MTCL1: variants seen among roughly 807,000 people sequenced by gnomAD.
MTCL1 encodes microtubule crosslinking factor 1.
MTCL1 carries 79 observed loss-of-function variants against 141.4 expected under a neutral mutation model. The ratio of observed to expected loss-of-function variants is 0.56; its 90% CI spans 0.47 to 0.67. The LOEUF (loss-of-function observed/expected upper bound fraction) is 0.67. Ranked by LOEUF, MTCL1 falls within the 30% of genes least tolerant of loss-of-function variation. The probability of loss-of-function intolerance (pLI) is 0.00; values close to 1 mark genes in which losing one functional copy is unlikely to be tolerated. For missense variants in MTCL1, 2,177 were observed against 2,113.9 expected (o/e 1.03, Z -0.59); for synonymous variants, 914 against 875.8 (o/e 1.04, Z -0.77).
At chr18:8,775,431 C>G (rs929200342) in intron 4 of MTCL1, among the ~76,000 whole-genome samples, 2 of 143,562 alleles carry the variant, frequency 1.4e-5, no homozygotes, top group Non-Finnish European at 3.0e-5. Context: ...AAAAAAGCTG[C>G]GCATGGTGGT....
At chr18:8,815,235 A>G (rs2076612353) in intron 12 of MTCL1, among the ~76,000 whole-genome samples, 1 of 151,926 alleles carries the variant, frequency 6.6e-6, no homozygotes, top group East Asian at 1.9e-4. Flanking sequence ...ATGTCCAACA[A>G]TGGTAGACTG....
chr18:8,777,084 A>T (rs1313220249), intron 4 of MTCL1, among the ~76,000 whole-genome samples: 1 of 152,036 alleles, frequency 6.6e-6, no homozygotes, highest in African/African-American at 2.4e-5. Flanking sequence ...AATACAAAAA[A>T]AATTAGCCAG....
chr18:8,769,225 T>C (rs2096474225), intron 4 of MTCL1, among the ~76,000 whole-genome samples: 1 of 152,222 alleles, frequency 6.6e-6, no homozygotes, highest in Admixed American at 6.5e-5. Context: ...AATGTAGGAT[T>C]CTGATTCCAT....
At chr18:8,728,024 A>T (rs1271102256) in intron 4 of MTCL1, among the ~76,000 whole-genome samples, 1 of 152,148 alleles carries the variant, frequency 6.6e-6, no homozygotes. Context: ...TTTGAATTGA[A>T]GTTTAAAACT....
At chr18:8,749,561 C>T (rs190038208) in intron 4 of MTCL1, among the ~76,000 whole-genome samples, 62 of 152,282 alleles carry the variant, frequency 4.1e-4, no homozygotes, top group African/African-American at 1.5e-3. Context: ...AAGACAGAGC[C>T]AGTGGAGAGG....
chr18:8,772,796 C>T (rs1403554373), intron 4 of MTCL1, among the ~76,000 whole-genome samples: 1 of 151,834 alleles, frequency 6.6e-6, no homozygotes, highest in Non-Finnish European at 1.5e-5. Context: ...CTTAAATAGT[C>T]TTCAAAAGCA....
chr18:8,733,451 G>A (rs532711858), intron 4 of MTCL1, among the ~76,000 whole-genome samples: 1 of 152,258 alleles, frequency 6.6e-6, no homozygotes, highest in Non-Finnish European at 1.5e-5. Context: ...TGTCGCTCAG[G>A]CTGGAGTGAA....
intron 4 of MTCL1, among the ~76,000 whole-genome samples, chr18:8,769,585 C>T (rs968119115): frequency 2.6e-5 from 4 of 152,104 alleles, no homozygotes; most frequent in Non-Finnish European, 4.4e-5. Flanking sequence ...GTCATGTTCC[C>T]GAGTTTGCAT....
At chr18:8,765,329 T>C (rs1399447503) in intron 4 of MTCL1, among the ~76,000 whole-genome samples, 2 of 152,198 alleles carry the variant, frequency 1.3e-5, no homozygotes, top group Non-Finnish European at 2.9e-5. Flanking sequence ...TCTGCCCCAG[T>C]GAGCCCAAGG....
intron 4 of MTCL1, among the ~76,000 whole-genome samples, chr18:8,740,227 G>A (rs137891437): frequency 1.3e-5 from 2 of 152,312 alleles, no homozygotes; most frequent in African/African-American, 4.8e-5. Context: ...TCACTTATCT[G>A]TAAGTTGTTT....
chr18:8,706,856 C>T, intron 1 of MTCL1, 143 bp downstream of exon 1: 1 of 1,372,406 alleles, frequency 7.3e-7, no homozygotes, highest in Non-Finnish European at 9.5e-7. Flanking sequence ...CATTGTCAGG[C>T]ATTGGCAACT....
At chr18:8,809,843 G>A (rs1357296889) in intron 11 of MTCL1, 1 of 480,626 alleles carries the variant, frequency 2.1e-6, no homozygotes, top group African/African-American at 1.9e-5. Context: ...ACTTGAAAAG[G>A]GCTGGGCTGA....
chr18:8,777,724 A>G (rs2096516898), intron 4 of MTCL1, 109 bp from the exon 4 acceptor site: 1 of 881,712 alleles, frequency 1.1e-6, no homozygotes, highest in Non-Finnish European at 1.8e-6. Context: ...TCTGGTGGGA[A>G]ACAGCCTCCG....
At chr18:8,724,766 T>C (rs2096196868) in intron 4 of MTCL1, among the ~76,000 whole-genome samples, 1 of 152,162 alleles carries the variant, frequency 6.6e-6, no homozygotes, top group Non-Finnish European at 1.5e-5. Flanking sequence ...GACTGTGTGC[T>C]CTGATTCTTT....
intron 12 of MTCL1, among the ~76,000 whole-genome samples, chr18:8,818,232 CGTTAA>C (rs2076725110): frequency 6.6e-6 from 1 of 152,186 alleles, no homozygotes; most frequent in African/African-American, 2.4e-5. Flanking sequence ...GCAAGCCACA[CGTTAA>C]TGGTTCCAAC....
intron 4 of MTCL1, among the ~76,000 whole-genome samples, chr18:8,762,316 C>T (rs1456318344): frequency 6.6e-6 from 1 of 152,222 alleles, no homozygotes; most frequent in East Asian, 1.9e-4. Flanking sequence ...TAAAGCTGCA[C>T]CCCTGCCTGT....
exon 2 of MTCL1, chr18:8,717,959 G>GC (rs2096140686): frequency 1.0e-6 from 1 of 1,000,144 alleles, no homozygotes; most frequent in Non-Finnish European, 1.2e-6. Context: ...TGGGACATTT[G>GC]CAGGTATGTT....
intron 4 of MTCL1, among the ~76,000 whole-genome samples, chr18:8,742,564 A>C (rs1302909896): frequency 6.6e-6 from 1 of 152,104 alleles, no homozygotes; most frequent in African/African-American, 2.4e-5. Context: ...CTATCACAAG[A>C]ATAGTATGGA....
Position 8,785,928 on chromosome 18 carries a change from C to G in MTCL1, c.1732-8C>G, listed in dbSNP as rs1334211016. The G allele has an allele frequency of 6.3e-7, 1 of 1,578,330 alleles. No homozygotes were observed. The highest frequency in any genetic ancestry group is 8.6e-7 in the Non-Finnish European group (1 of 1,165,910). ...AACAACAACAAATTCCTCCCGTGCA[C>G]CTAACAGTCCAGACTGAAAGAGCAG... On this transcript the variant is annotated splice_region_variant and splice_polypyrimidine_tract_variant and intron_variant, in intron 6 of 16. Transcript: ENST00000359865.
Sources: allele counts gnomAD v4.1 joint callset (sites outside exome capture counted in the v4.1 genomes callset), GRCh38; gene constraint gnomAD v4.1.1; transcripts MANE v1.5; gene names NCBI Gene and HGNC (gene_info 2026-07-23, HGNC 2026-07-21).